MAPKAP1: variants seen among roughly 807,000 people sequenced by gnomAD.
MAPKAP1 encodes MAPK associated protein 1, also known as target of rapamycin complex 2 subunit MAPKAP1.
A neutral mutation model predicts 65.7 loss-of-function variants in MAPKAP1; 20 were observed. The ratio of observed to expected loss-of-function variants is 0.30; its 90% CI spans 0.21 to 0.44. The LOEUF is 0.44. MAPKAP1 is among the 20% of genes least tolerant of loss of function. The pLI is 1.00. For synonymous variants in MAPKAP1, 222 were observed against 244.3 expected, an observed-to-expected ratio of 0.91 and a Z score of 0.85; for missense variants, 423 against 648.0, an observed-to-expected ratio of 0.65 and a Z score of 3.77.
rs1831944408 is a variant in MAPKAP1 at position 125,591,024 on chromosome 9, T to C, written c.499-5297A>G. On this transcript the variant is annotated intron_variant, in intron 4 of 11. Transcript: ENST00000265960. Reference sequence around the variant, plus strand: ...CCTGACCTCAAGTGATCCGCCCACCTCGGCCTCCCAAAATGCTGGGATTAC... The same window carrying C: ...CCTGACCTCAAGTGATCCGCCCACCCCGGCCTCCCAAAATGCTGGGATTAC... Among the ~76,000 whole-genome samples the C allele has an allele frequency of 3.3e-5, 5 of 152,272 alleles. No individual in the cohort carries two copies. The South Asian group carries it at 8.3e-4, about 25-fold the overall frequency.
At chr9:125,643,332 C>G (rs1370387951) in intron 4 of MAPKAP1, among the ~76,000 whole-genome samples, 1 of 151,290 alleles carries the variant, frequency 6.6e-6, no homozygotes. Context: ...GTAACTGAGA[C>G]TACAGGCACC....
chr9:125,448,783 T>A lies in MAPKAP1; in HGVS notation c.1346-4185A>T, dbSNP rs565755148. Among the ~76,000 whole-genome samples, 22 of 152,282 alleles carry A rather than the reference T, an allele frequency of 1.4e-4. No individual in the cohort carries two copies. In the South Asian group the frequency reaches 4.4e-3, roughly 30 times the overall value. ...ACTTTGGGAGGCCAAGGTGGATGGA[T>A]CACCCGAGGTTAGGAGTTTGAGACC... On this transcript the variant is annotated intron_variant, in intron 10 of 11. Coordinates refer to ENST00000265960, the MANE Select transcript of MAPKAP1 (RefSeq NM_001006617.3).
intron 4 of MAPKAP1, among the ~76,000 whole-genome samples, chr9:125,591,839 C>T (rs1831975665): frequency 6.6e-6 from 1 of 152,130 alleles, no homozygotes; most frequent in Non-Finnish European, 1.5e-5. Flanking sequence ...TAAAAGTATT[C>T]ATTACACATC....
At chr9:125,503,944 C>T (rs977091380) in intron 8 of MAPKAP1, among the ~76,000 whole-genome samples, 4 of 130,978 alleles carry the variant, frequency 3.1e-5, no homozygotes, top group Non-Finnish European at 4.6e-5. Flanking sequence ...GCCATGTTGG[C>T]CAGGCTGGTC....
chr9:125,476,945 G>A (rs999461394), intron 9 of MAPKAP1, among the ~76,000 whole-genome samples: 11 of 152,186 alleles, frequency 7.2e-5, no homozygotes, highest in Non-Finnish European at 1.6e-4. Context: ...CTGGGCAGCC[G>A]TTATAAACTT....
chr9:125,484,191 G>A lies in MAPKAP1; in HGVS notation c.1207+252C>T, dbSNP rs147545335. ...ATGAAAAGAATTATGGAACTTCACC[G>A]AAGTCAATCAGTTTGAAAAGAGTCT... is the stretch of plus-strand genomic sequence containing the variant. On this transcript the variant is annotated intron_variant, in intron 9 of 11. Coordinates refer to ENST00000265960, the MANE Select transcript of MAPKAP1 (RefSeq NM_001006617.3). Among the ~76,000 whole-genome samples the A allele has an allele frequency of 2.8e-3, 424 of 152,282 alleles. 3 individuals are homozygous for A. The highest frequency in any genetic ancestry group is 9.7e-3 in the African/African-American group (403 of 41,556).
chr9:125,497,773 T>C (rs1828851636), intron 8 of MAPKAP1, among the ~76,000 whole-genome samples: 1 of 152,214 alleles, frequency 6.6e-6, no homozygotes, highest in Non-Finnish European at 1.5e-5. Flanking sequence ...GTCTGACACT[T>C]TGTTAGTATT....
chr9:125,603,389 G>A (rs115389198), intron 4 of MAPKAP1, among the ~76,000 whole-genome samples: 1,631 of 92,504 alleles, frequency 0.018, 39 homozygotes, highest in African/African-American at 0.046. Flanking sequence ...ATAACAATGT[G>A]GTCCTTGGAG....
intron 4 of MAPKAP1, among the ~76,000 whole-genome samples, chr9:125,606,056 G>A (rs891372678): frequency 1.3e-4 from 20 of 152,098 alleles, no homozygotes; most frequent in Non-Finnish European, 2.5e-4. Context: ...TTTATAAGAC[G>A]ATAATTCCTC....
chr9:125,623,174 G>A (rs572716004), intron 4 of MAPKAP1, among the ~76,000 whole-genome samples: 2,863 of 141,850 alleles, frequency 0.02, 97 homozygotes, highest in African/African-American at 0.071. Flanking sequence ...CGCCTGCCTT[G>A]GCCTCCCAAA....
chr9:125,595,417 A>C lies in MAPKAP1; in HGVS notation c.499-9690T>G. ...TATTTGAACATGCTGATGAATTAAA[A>C]CATTATCTAGAGCAGCTTTTCTCAG... On this transcript the variant is annotated intron_variant, in intron 4 of 11. Coordinates refer to ENST00000265960, the MANE Select transcript of MAPKAP1 (RefSeq NM_001006617.3). The surrounding 1 kb of genome is among the most constrained non-coding windows in gnomAD (Gnocchi z 4.0). 2.1e-6 allele frequency: 1 copy of C among 472,054 alleles called. No individual in the cohort carries two copies. The highest frequency in any genetic ancestry group is 2.8e-6 in the Non-Finnish European group (1 of 351,698). The allele number at this position is 472,054 out of a possible 1,614,324, so 29.2% of individuals were successfully genotyped here.
intron 8 of MAPKAP1, among the ~76,000 whole-genome samples, chr9:125,485,626 T>C (rs1854477154): frequency 6.6e-6 from 1 of 152,188 alleles, no homozygotes; most frequent in African/African-American, 2.4e-5. Flanking sequence ...GTGCTGCCCT[T>C]GGCCTAGAAC....
intron 1 of MAPKAP1, among the ~76,000 whole-genome samples, chr9:125,686,545 G>A (rs1056037652): frequency 6.6e-6 from 1 of 152,102 alleles, no homozygotes; most frequent in Admixed American, 6.5e-5. Flanking sequence ...CCAGTCACTT[G>A]TGTGGAGGAG....
chr9:125,545,689 C>T (rs1564551005), intron 6 of MAPKAP1, among the ~76,000 whole-genome samples: 4 of 152,142 alleles, frequency 2.6e-5, no homozygotes, highest in African/African-American at 4.8e-5. Flanking sequence ...CAAAAGGAAG[C>T]CTTGTGTTTG....
intron 9 of MAPKAP1, among the ~76,000 whole-genome samples, chr9:125,473,940 A>AC (rs1854015295): frequency 1.3e-5 from 2 of 152,308 alleles, no homozygotes; most frequent in South Asian, 4.1e-4. Flanking sequence ...AATAATAGAT[A>AC]CCTCAAGTGC....
rs1832127704 is a variant in MAPKAP1 at position 125,596,432 on chromosome 9, G to C, written c.499-10705C>G. On this transcript the variant is annotated intron_variant, in intron 4 of 11. Coordinates refer to ENST00000265960, the MANE Select transcript of MAPKAP1 (RefSeq NM_001006617.3). ...GTACTGATGGAAGCAATTTTGGAGG[G>C]TGGTGGAAGCTACAATGATTCTGGC... 6 of 787,226 alleles carry C rather than the reference G, an allele frequency of 7.6e-6. No individual in the cohort carries two copies. In the South Asian group the frequency reaches 8.0e-5, roughly 10 times the overall value. The allele number at this position is 787,226 out of a possible 1,614,324, so 48.8% of individuals were successfully genotyped here.
At chr9:125,444,480 G>A (rs1295760184) in intron 11 of MAPKAP1, 21 bp downstream of exon 11, 1 of 1,578,874 alleles carries the variant, frequency 6.3e-7, no homozygotes, top group South Asian at 1.1e-5. Context: ...CCCTGTCTCT[G>A]GTTCAAGAAG....
At chr9:125,546,195 G>C (rs1830418422) in intron 6 of MAPKAP1, among the ~76,000 whole-genome samples, 1 of 152,180 alleles carries the variant, frequency 6.6e-6, no homozygotes, top group Non-Finnish European at 1.5e-5. Context: ...ATGGACCTTC[G>C]TGAGTGTGCA....
intron 4 of MAPKAP1, among the ~76,000 whole-genome samples, chr9:125,589,956 GTGTTT>G (rs1831904435): frequency 6.6e-6 from 1 of 152,192 alleles, no homozygotes; most frequent in Non-Finnish European, 1.5e-5. Context: ...TAAATAACAA[GTGTTT>G]TGGCCTTGTC....
Sources: allele counts gnomAD v4.1 joint callset (sites outside exome capture counted in the v4.1 genomes callset), GRCh38; gene constraint gnomAD v4.1.1; non-coding constraint Gnocchi (gnomAD v3.1); transcripts MANE v1.5; gene names NCBI Gene and HGNC (gene_info 2026-07-23, HGNC 2026-07-21).